KCNH7: variants seen among roughly 807,000 people sequenced by gnomAD.
KCNH7 encodes voltage-gated inwardly rectifying potassium channel KCNH7.
In KCNH7, 49 loss-of-function variants were observed where a neutral mutation model predicts 120.8. That is an observed-to-expected ratio of 0.41 (90% CI 0.32 to 0.51). The LOEUF (loss-of-function observed/expected upper bound fraction) is 0.51, where lower values mean the gene tolerates loss of function less well. Among genes scored for constraint, KCNH7 ranks in the 20% least tolerant of loss-of-function variants. The pLI is 0.38. For missense variants in KCNH7, 1,097 were observed against 1,446.6 expected (o/e 0.76, Z 3.92); for synonymous variants, 547 against 516.1 (o/e 1.06, Z -0.81).
intron 2 of KCNH7, among the ~76,000 whole-genome samples, chr2:162,776,087 G>A (rs1683224889): frequency 6.6e-6 from 1 of 152,182 alleles, no homozygotes; most frequent in African/African-American, 2.4e-5. Flanking sequence ...TATGAAAAGA[G>A]TACACATTTA....
intron 2 of KCNH7, among the ~76,000 whole-genome samples, chr2:162,657,542 T>C (rs1428623659): frequency 6.6e-6 from 1 of 152,216 alleles, no homozygotes; most frequent in South Asian, 2.1e-4. Flanking sequence ...TGAATAATAT[T>C]CCATCGTATG....
rs13396313 is a variant in KCNH7 at position 162,387,857 on chromosome 2, T to G, written c.2711-2918A>C. On this transcript the variant is annotated intron_variant, in intron 12 of 15. Transcript: ENST00000332142. The stretch of plus-strand genomic sequence containing the variant: ...ATCTTTTCTTTCAAAAAACCTGGAA[T>G]TAACATTTGTGCTCACTCCATCTTT... Among the ~76,000 whole-genome samples the G allele has an allele frequency of 3.3e-3, 507 of 151,942 alleles. 2 individuals are homozygous for G. The highest frequency in any genetic ancestry group is 0.012 in the African/African-American group (479 of 41,534).
At chr2:162,674,738 C>T (rs914678293) in intron 2 of KCNH7, among the ~76,000 whole-genome samples, 4 of 151,508 alleles carry the variant, frequency 2.6e-5, no homozygotes, top group African/African-American at 7.3e-5. Flanking sequence ...CAGATCAGTG[C>T]ATAAAAAGAC....
In KCNH7 at chr2:162,659,799, A is replaced by G. The variant is rs111917368; in HGVS notation, c.308-122719T>C. ...TTAGTATTAGGGTAATGATGGCTTC[A>G]TAGAATATTAGAAGGTATCCCTGCT... On this transcript the variant is annotated intron_variant, in intron 2 of 15. Transcript: ENST00000332142. Among the ~76,000 whole-genome samples, 978 of 152,312 alleles carry G rather than the reference A, an allele frequency of 6.4e-3. 15 individuals are homozygous for G. Among genetic ancestry groups the G allele is most frequent in the African/African-American group, 0.022 (923 of 41,566 alleles).
intron 6 of KCNH7, among the ~76,000 whole-genome samples, chr2:162,489,788 G>T (rs895389017): frequency 6.6e-6 from 1 of 152,080 alleles, no homozygotes; most frequent in Non-Finnish European, 1.5e-5. Context: ...AAAAACATTG[G>T]ATAGGAATTT....
intron 2 of KCNH7, among the ~76,000 whole-genome samples, chr2:162,675,867 G>A (rs1685515245): frequency 1.3e-5 from 2 of 151,406 alleles, no homozygotes; most frequent in Non-Finnish European, 1.5e-5. Context: ...GCAAAATTTT[G>A]TATGGCAAAA....
intron 2 of KCNH7, among the ~76,000 whole-genome samples, chr2:162,631,881 T>C (rs1683779914): frequency 6.6e-6 from 1 of 151,962 alleles, no homozygotes; most frequent in South Asian, 2.1e-4. Context: ...GTGTTATGAA[T>C]TAACTCCAAA....
intron 7 of KCNH7, among the ~76,000 whole-genome samples, chr2:162,441,530 A>G (rs575239346): frequency 1.7e-4 from 26 of 152,300 alleles, no homozygotes; most frequent in African/African-American, 5.8e-4. Flanking sequence ...GAAAGGGGTC[A>G]ATGAAGCAAA....
intron 7 of KCNH7, among the ~76,000 whole-genome samples, chr2:162,442,030 T>TTTTTG (rs1688436762): frequency 7.5e-6 from 1 of 133,230 alleles, no homozygotes; most frequent in Non-Finnish European, 1.6e-5. Flanking sequence ...TTTTTTTTTT[T>TTTTTG]TTTTGAGATG....
intron 9 of KCNH7, among the ~76,000 whole-genome samples, chr2:162,421,462 T>C (rs1319833134): frequency 6.6e-6 from 1 of 152,170 alleles, no homozygotes; most frequent in African/African-American, 2.4e-5. Flanking sequence ...TTCCAGGTTA[T>C]CTTCCCCAGT....
At chr2:162,778,594 A>G (rs1574377451) in intron 2 of KCNH7, among the ~76,000 whole-genome samples, 1 of 152,282 alleles carries the variant, frequency 6.6e-6, no homozygotes, top group East Asian at 1.9e-4. Flanking sequence ...TAAGCATTGA[A>G]TGTTCTTGAA....
chr2:162,803,817 C>T (rs1684432071), intron 2 of KCNH7, among the ~76,000 whole-genome samples: 1 of 151,622 alleles, frequency 6.6e-6, no homozygotes, highest in Non-Finnish European at 1.5e-5. Context: ...TCAGTGCCCC[C>T]TTTTCTTGTG....
At chr2:162,693,172 T>A (rs575897016) in intron 2 of KCNH7, among the ~76,000 whole-genome samples, 1 of 152,318 alleles carries the variant, frequency 6.6e-6, no homozygotes, top group Non-Finnish European at 1.5e-5. Context: ...GGTCTTTTAC[T>A]TGTTAAAATT....
At position 162,384,441 on chromosome 2, in the gene KCNH7, G is replaced by A. The variant is rs115204110; in HGVS notation, c.2962+247C>T. On this transcript the variant is annotated intron_variant, in intron 13 of 15. Coordinates refer to ENST00000332142, the MANE Select transcript of KCNH7 (RefSeq NM_033272.4). ...CAGACTTTCCCACAGTTTTCTACCC[G>A]ACATTTTATTAAGTCTGGTTGGTCA... Among the ~76,000 whole-genome samples the A allele has an allele frequency of 1.0e-2, 1,514 of 151,906 alleles. 27 individuals carry two copies. Among genetic ancestry groups the A allele is most frequent in the African/African-American group, 0.034 (1,410 of 41,486 alleles).
intron 2 of KCNH7, among the ~76,000 whole-genome samples, chr2:162,719,657 T>A (rs190170449): frequency 6.6e-6 from 1 of 152,164 alleles, no homozygotes. Context: ...TGCAACCTTG[T>A]TTTTAAATAG....
intron 2 of KCNH7, among the ~76,000 whole-genome samples, chr2:162,834,957 G>A (rs1685605362): frequency 6.6e-6 from 1 of 151,974 alleles, no homozygotes; most frequent in Non-Finnish European, 1.5e-5. Flanking sequence ...AGACTGTGTT[G>A]GCATCATAAT....
At chr2:162,394,072 G>A (rs1686827661) in intron 12 of KCNH7, among the ~76,000 whole-genome samples, 1 of 151,932 alleles carries the variant, frequency 6.6e-6, no homozygotes, top group African/African-American at 2.4e-5. Context: ...TGACCTCTTG[G>A]CTTGAAATGA....
chr2:162,728,996 T>C (rs975175753), intron 2 of KCNH7, among the ~76,000 whole-genome samples: 3 of 152,040 alleles, frequency 2.0e-5, no homozygotes, highest in African/African-American at 7.2e-5. Flanking sequence ...GTTCAAGTTT[T>C]TTTTTTATTT....
At chr2:162,652,421 G>A (rs1252494264) in intron 2 of KCNH7, among the ~76,000 whole-genome samples, 1 of 152,122 alleles carries the variant, frequency 6.6e-6, no homozygotes, top group Admixed American at 6.5e-5. Context: ...GGACGGGGTG[G>A]TGGAGAGTGT....
Sources: gnomAD v4.1 joint callset for allele counts (sites outside exome capture counted in the v4.1 genomes callset) on GRCh38, gnomAD v4.1.1 for gene constraint, MANE v1.5 for transcripts, NCBI Gene and HGNC (gene_info 2026-07-23, HGNC 2026-07-21) for gene names.